BTBD8: variants seen among roughly 807,000 people sequenced by gnomAD.
BTBD8 encodes BTB domain containing 8.
BTBD8 carries 110 observed loss-of-function variants against 162.9 expected under a neutral mutation model. That is an observed-to-expected ratio of 0.68 (90% CI 0.58 to 0.79). The LOEUF (loss-of-function observed/expected upper bound fraction) is 0.79. Ranked by LOEUF, BTBD8 falls within the 30% of genes least tolerant of loss-of-function variation. BTBD8 has a pLI of 0.00. For synonymous variants in BTBD8, 667 were observed against 716.1 expected (o/e 0.93, Z 1.10); for missense variants, 1,905 against 2,085.4 (o/e 0.91, Z 1.68).
chr1:92,122,998 A>G (rs1192817368), intron 4 of BTBD8, among the ~76,000 whole-genome samples: 1 of 152,134 alleles, frequency 6.6e-6, no homozygotes, highest in Non-Finnish European at 1.5e-5. Flanking sequence ...ATGGTTCTCT[A>G]TGTATTCTAG....
At chr1:92,089,259 A>T (rs1648237046) in intron 2 of BTBD8, among the ~76,000 whole-genome samples, 3 of 152,060 alleles carry the variant, frequency 2.0e-5, no homozygotes. Flanking sequence ...TTGTATAATT[A>T]TTTGTTGTGG....
chr1:92,140,123 A>T (rs909561094), intron 6 of BTBD8, among the ~76,000 whole-genome samples: 7 of 150,806 alleles, frequency 4.6e-5, no homozygotes, highest in African/African-American at 1.7e-4. Context: ...AAAAAAAAAA[A>T]AAGAATATAG....
intron 1 of BTBD8, 130 bp from the exon 2 acceptor site, chr1:92,088,568 A>G (rs1437041206): frequency 1.0e-5 from 7 of 696,688 alleles, no homozygotes; most frequent in Non-Finnish European, 1.5e-5. Flanking sequence ...GAACAAACTC[A>G]TTTTTGTATT....
Position 92,177,180 on chromosome 1 carries a change from G to A in BTBD8, c.1987G>A (p.Ala663Thr), listed in dbSNP as rs1650742069. Residue 663 changes from alanine (A) to threonine (T), a missense_variant, in exon 14 of 18, where the codon GCA becomes ACA. Ala to Thr is a moderately conservative substitution (Grantham distance 58). This residue lies in a region of BTBD8 where 1,374 missense variants were observed against 1,442.7 expected (regional missense o/e 0.95). Coordinates refer to ENST00000636805, the MANE Select transcript of BTBD8 (RefSeq NM_001376131.1). ...MSPRQVVERS[A>T]TAAAAATGQK... ...ACCTAGACAAGTTGTAGAAAGATCA[G>A]CAACAGCAGCAGCAGCAGCAACTGG... The A allele has an allele frequency of 1.3e-6, 2 of 1,551,846 alleles. No homozygotes were observed. Among genetic ancestry groups the A allele is most frequent in the Non-Finnish European group, 1.7e-6 (2 of 1,147,024 alleles).
intron 1 of BTBD8, among the ~76,000 whole-genome samples, chr1:92,081,617 A>G (rs988004066): frequency 4.0e-5 from 6 of 151,888 alleles, no homozygotes; most frequent in Non-Finnish European, 8.8e-5. Context: ...TCTGTCGCCC[A>G]GGCTGGAGCG....
intron 4 of BTBD8, chr1:92,115,340 G>T: frequency 2.2e-6 from 1 of 453,136 alleles, no homozygotes; most frequent in East Asian, 5.4e-5. Flanking sequence ...AGGGAGCTAA[G>T]CAGTTGGTGG....
chr1:92,112,758 TA>T (rs1164698321), intron 4 of BTBD8, among the ~76,000 whole-genome samples: 3 of 152,224 alleles, frequency 2.0e-5, no homozygotes, highest in African/African-American at 7.2e-5. Flanking sequence ...TTATGTTCTC[TA>T]AAGTATTTGA....
intron 13 of BTBD8, among the ~76,000 whole-genome samples, chr1:92,173,497 C>T (rs775217993): frequency 6.6e-6 from 1 of 152,168 alleles, no homozygotes; most frequent in Non-Finnish European, 1.5e-5. Context: ...GCCTTCCTAT[C>T]CCCTGCTACT....
intron 4 of BTBD8, among the ~76,000 whole-genome samples, chr1:92,113,394 A>G (rs1454343025): frequency 6.6e-6 from 1 of 152,248 alleles, no homozygotes; most frequent in African/African-American, 2.4e-5. Flanking sequence ...GAGAGAACAT[A>G]GGGAGAAAGC....
At position 92,108,590 on chromosome 1, in the gene BTBD8, G is replaced by A. The variant is rs75940958; in HGVS notation, c.662+589G>A. On this transcript the variant is annotated intron_variant, in intron 4 of 17. Transcript: ENST00000636805. ...ATTGGGTTGCTTAGACATTCCAGGC[G>A]TTTAGATTTCAAATTAAAGCCGGTT... Among the ~76,000 whole-genome samples, 1,308 of 152,242 alleles carry A rather than the reference G, an allele frequency of 8.6e-3. 23 individuals are homozygous for A. The highest frequency in any genetic ancestry group is 0.029 in the African/African-American group (1,210 of 41,546).
intron 4 of BTBD8, chr1:92,126,517 T>C: frequency 1.7e-6 from 1 of 573,882 alleles, no homozygotes; most frequent in South Asian, 1.5e-5. Flanking sequence ...TCTTCACTCA[T>C]GCAGACCGCT....
intron 2 of BTBD8, 45 bp from the exon 3 acceptor site, chr1:92,102,427 GA>G (rs1218330490): frequency 8.2e-7 from 1 of 1,219,356 alleles, no homozygotes; most frequent in African/African-American, 1.6e-5. Context: ...TTCTTTTTAA[GA>G]ATCACCAATG....
chr1:92,178,557 T>TTA, intron 16 of BTBD8, 106 bp downstream of exon 16: 1 of 850,238 alleles, frequency 1.2e-6, no homozygotes, highest in Non-Finnish European at 1.8e-6. Context: ...AAATATGGTT[T>TTA]TACTCATTTT....
Position 92,144,414 on chromosome 1 carries a change from A to G in BTBD8, c.931-2766A>G, listed in dbSNP as rs150397295. 3.8e-3 allele frequency among the ~76,000 whole-genome samples: 579 copies of G among 152,184 alleles called. 5 individuals are homozygous for G. Among genetic ancestry groups the G allele is most frequent in the African/African-American group, 0.013 (548 of 41,516 alleles). The stretch of plus-strand genomic sequence containing the variant: ...CTAGCAAGCTAACTTCAATAATTTC[A>G]TTAGCTTCACAATCCTGCCTTTTAC... On this transcript the variant is annotated intron_variant, in intron 7 of 17. Transcript: ENST00000636805.
intron 4 of BTBD8, 124 bp from the exon 5 acceptor site, chr1:92,129,563 T>C: frequency 1.3e-6 from 1 of 761,164 alleles, no homozygotes; most frequent in African/African-American, 1.7e-5. Flanking sequence ...ATCCTGCCTA[T>C]GAATACAAAC....
At chr1:92,156,143 A>C (rs1490759997) in intron 9 of BTBD8, among the ~76,000 whole-genome samples, 1 of 152,192 alleles carries the variant, frequency 6.6e-6, no homozygotes, top group Admixed American at 6.5e-5. Flanking sequence ...AAGTAATTGA[A>C]TCTTGTCAAA....
chr1:92,171,977 G>A (rs990470062), intron 13 of BTBD8, among the ~76,000 whole-genome samples: 6 of 152,120 alleles, frequency 3.9e-5, no homozygotes, highest in Admixed American at 2.6e-4. Context: ...TGTAATCCCA[G>A]CTACTCGGGA....
At chr1:92,167,251 A>G (rs946781417) in intron 10 of BTBD8, 111 bp downstream of exon 10, 1 of 1,281,438 alleles carries the variant, frequency 7.8e-7, no homozygotes, top group Non-Finnish European at 1.1e-6. Context: ...TGTGATTTAA[A>G]TAAACTCCAT....
intron 5 of BTBD8, among the ~76,000 whole-genome samples, chr1:92,130,618 T>C (rs1285730709): frequency 6.6e-6 from 1 of 151,876 alleles, no homozygotes; most frequent in Non-Finnish European, 1.5e-5. Flanking sequence ...TTATATAACT[T>C]AAAGTATCTC....
Sources: allele counts gnomAD v4.1 joint callset (sites outside exome capture counted in the v4.1 genomes callset), GRCh38; gene constraint gnomAD v4.1.1; regional missense constraint gnomAD v4.1.1; transcripts MANE v1.5; gene names NCBI Gene and HGNC (gene_info 2026-07-23, HGNC 2026-07-21).